AARS1: variants seen among roughly 807,000 people sequenced by gnomAD.
The protein encoded by AARS1 is alanine--tRNA ligase, cytoplasmic.
Under a neutral mutation model 108.9 loss-of-function variants are expected in AARS1, and 72 were observed. That is an observed-to-expected ratio of 0.66 (90% confidence interval 0.55 to 0.80). The LOEUF (loss-of-function observed/expected upper bound fraction) is 0.80, where lower values mean the gene tolerates loss of function less well. Among genes scored for constraint, AARS1 ranks in the 30% least tolerant of loss-of-function variants. The pLI, the probability that AARS1 is intolerant of heterozygous loss-of-function variation, is 0.00. For synonymous variants in AARS1, 489 were observed against 465.7 expected (o/e 1.05, Z -0.64); for missense variants, 1,193 against 1,233.2 (o/e 0.97, Z 0.49).
chr16:70,253,656 T>C, intron 19 of AARS1, 58 bp downstream of exon 19: 1 of 1,576,156 alleles, frequency 6.3e-7, no homozygotes, highest in Non-Finnish European at 8.7e-7. Context: ...AGAGGCCACA[T>C]GTCAGCCACC....
chr16:70,274,515 G>A (rs1960490187), intron 4 of AARS1, among the ~76,000 whole-genome samples: 1 of 151,638 alleles, frequency 6.6e-6, no homozygotes, highest in African/African-American at 2.4e-5. Flanking sequence ...CACCAGGTCA[G>A]GAGTTCAAGA....
chr16:70,278,799 TG>T (rs954752731), intron 2 of AARS1, among the ~76,000 whole-genome samples: 1 of 151,256 alleles, frequency 6.6e-6, no homozygotes, highest in Non-Finnish European at 1.5e-5. Flanking sequence ...CATTTCAAAT[TG>T]GGGGAAAAAA....
chr16:70,260,653 A>T (rs1042691555), intron 13 of AARS1, among the ~76,000 whole-genome samples: 2 of 151,342 alleles, frequency 1.3e-5, no homozygotes, highest in Non-Finnish European at 2.9e-5. Flanking sequence ...CTAGGGAGTG[A>T]TAACAGTGAC....
At chr16:70,283,412 A>G (rs1375363919) in intron 1 of AARS1, among the ~76,000 whole-genome samples, 1 of 151,508 alleles carries the variant, frequency 6.6e-6, no homozygotes, top group Non-Finnish European at 1.5e-5. Flanking sequence ...ACAAAAAAAG[A>G]AGGAAAAAAA....
rs767954906 is a variant in AARS1, at chr16:70,254,686, C to T, written c.2335G>A (p.Ala779Thr). 6.2e-7 allele frequency: 1 copy of T among 1,614,014 alleles called. No individual in the cohort carries two copies. The highest frequency in any genetic ancestry group is 8.5e-7 in the Non-Finnish European group (1 of 1,179,988). Residue 779 changes from alanine (A) to threonine (T), a missense_variant, in exon 17 of 21, where the codon GCC (alanine) becomes ACC (threonine). Physicochemically the swap from Ala to Thr is moderately conservative, Grantham distance 58. Transcript: ENST00000261772. ...SLKKCLSVME[A>T]KVKAQTAPNK... ...GGAGCAGTCTGAGCCTTCACTTTGG[C>T]TTCCATGACAGAGAGACATTTCTTC...
intron 3 of AARS1, 135 bp from the exon 4 acceptor site, chr16:70,276,766 T>G (rs1960562107): frequency 8.2e-7 from 1 of 1,225,978 alleles, no homozygotes; most frequent in Non-Finnish European, 1.2e-6. Flanking sequence ...TCAGTTTATG[T>G]AAGAAATCCA....
Position 70,282,804 on chromosome 16 carries a change from T to A in AARS1, c.-21-20A>T, listed in dbSNP as rs1418268671. On this transcript the variant is annotated intron_variant, in intron 1 of 20. Transcript: ENST00000261772. ...AAAGAACTAATCAAAGAAAAAAAAA[T>A]GAAGGAAAATTAAGGGAATTGAAAG... is the stretch of plus-strand genomic sequence containing the variant. 1.9e-6 allele frequency: 3 copies of A among 1,606,418 alleles called. No homozygotes were observed. The highest frequency in any genetic ancestry group is 1.7e-4 in the Middle Eastern group (1 of 6,002).
intron 5 of AARS1, among the ~76,000 whole-genome samples, chr16:70,271,289 G>C (rs1460386984): frequency 2.0e-5 from 3 of 152,120 alleles, no homozygotes; most frequent in Non-Finnish European, 4.4e-5. Context: ...AGCACTTTGG[G>C]AGGCTGAGGC....
Position 70,252,646 on chromosome 16 carries a change from T to C in AARS1, c.*75A>G. On this transcript the variant is annotated 3_prime_UTR_variant, in exon 21 of 21. Transcript: ENST00000261772. ...GAGGGGCTCTTTAAAGGTCCCAAGA[T>C]TCAAATGTTCTTGTAGCAGATGAAG... 6.5e-7 allele frequency: 1 copy of C among 1,548,076 alleles called. No homozygotes were observed. Among genetic ancestry groups the C allele is most frequent in the Non-Finnish European group, 8.9e-7 (1 of 1,124,694 alleles).
intron 4 of AARS1, among the ~76,000 whole-genome samples, chr16:70,273,900 G>A (rs1960472936): frequency 6.7e-6 from 1 of 149,992 alleles, no homozygotes; most frequent in South Asian, 2.1e-4. Context: ...TAGCCAGGCA[G>A]GTGGCGAATG....
chr16:70,286,368 T>C (rs1358974151), intron 1 of AARS1, among the ~76,000 whole-genome samples: 1 of 146,914 alleles, frequency 6.8e-6, no homozygotes, highest in Non-Finnish European at 1.5e-5. Flanking sequence ...AGGAATTTTT[T>C]TTTTTTTTTT....
At chr16:70,267,057 T>C (rs568578026) in intron 9 of AARS1, among the ~76,000 whole-genome samples, 1 of 152,134 alleles carries the variant, frequency 6.6e-6, no homozygotes, top group South Asian at 2.1e-4. Context: ...AGGCTGGTCT[T>C]GAACTCATGA....
chr16:70,254,846 A>G, intron 16 of AARS1, 112 bp from the exon 17 acceptor site: 2 of 721,410 alleles, frequency 2.8e-6, no homozygotes, highest in Admixed American at 2.0e-5. Flanking sequence ...AACATACCCC[A>G]ACACCCCAAA....
Position 70,277,171 on chromosome 16 carries a change from G to T in AARS1, c.145-17C>A, listed in dbSNP as rs375832841. On this transcript the variant is annotated splice_polypyrimidine_tract_variant and intron_variant, in intron 2 of 20. Coordinates refer to ENST00000261772, the MANE Select transcript of AARS1 (RefSeq NM_001605.3). ...GGGTTTAAACTAAAAGAGAAGGACAGCAGTTCAACTTTTAAAGGGTGCAAG... is the reference window on the plus strand; with the variant it reads ...GGGTTTAAACTAAAAGAGAAGGACATCAGTTCAACTTTTAAAGGGTGCAAG... 1 of 1,613,486 alleles carries T rather than the reference G, an allele frequency of 6.2e-7. No homozygotes were observed. The highest frequency in any genetic ancestry group is 8.5e-7 in the Non-Finnish European group (1 of 1,179,468).
At chr16:70,262,029 T>C (rs1423631154) in intron 12 of AARS1, among the ~76,000 whole-genome samples, 1 of 152,078 alleles carries the variant, frequency 6.6e-6, no homozygotes, top group Non-Finnish European at 1.5e-5. Context: ...ACAAAGTAAC[T>C]CATTCAGCAG....
intron 20 of AARS1, 34 bp downstream of exon 20, chr16:70,253,234 C>T (rs758016897): frequency 1.5e-5 from 23 of 1,546,722 alleles, no homozygotes; most frequent in Non-Finnish European, 1.8e-5. Context: ...ACCTTAAGAC[C>T]TAACACTTCC....
chr16:70,270,045 G>A, intron 6 of AARS1, 151 bp downstream of exon 6: 1 of 1,013,934 alleles, frequency 9.9e-7, no homozygotes, highest in Non-Finnish European at 1.5e-6. Context: ...CCAATTTGTG[G>A]AGCCTCACAT....
chr16:70,275,460 T>A (rs904422959), intron 4 of AARS1, among the ~76,000 whole-genome samples: 5 of 133,040 alleles, frequency 3.8e-5, no homozygotes, highest in African/African-American at 1.2e-4. Flanking sequence ...CTAAAAAATA[T>A]ATATATATAA....
chr16:70,268,350 G>C lies in AARS1; in HGVS notation c.992C>G (p.Ala331Gly). ...GAGCTTTTCATGGGCGTATCGGACA[G>C]CTCGGCGGAGAATCCGTCTCAACAC... The part of the protein sequence containing the change: ...GYVLRRILRR[A>G]VRYAHEKLNA... The change falls in exon 8 of 21, where the codon GCT becomes GGT. Residue 331 changes from alanine (A) to glycine (G), a missense_variant. Physicochemically the swap from Ala to Gly is moderately conservative, Grantham distance 60. Transcript: ENST00000261772. 1 of 1,614,168 alleles carries C rather than the reference G, an allele frequency of 6.2e-7. No homozygotes were observed. Among genetic ancestry groups the C allele is most frequent in the South Asian group, 1.1e-5 (1 of 91,088 alleles).
Sources: allele counts gnomAD v4.1 joint callset (sites outside exome capture counted in the v4.1 genomes callset), GRCh38; gene constraint gnomAD v4.1.1; transcripts MANE v1.5; gene names NCBI Gene and HGNC (gene_info 2026-07-23, HGNC 2026-07-21).